GRAMD1B: variants seen among roughly 807,000 people sequenced by gnomAD.
GRAMD1B encodes the protein protein Aster-B.
In GRAMD1B, 37 loss-of-function variants were observed where a neutral mutation model predicts 99.7. That is an observed-to-expected ratio of 0.37 (90% CI 0.29 to 0.49). GRAMD1B has a LOEUF of 0.49. GRAMD1B is among the 20% of genes least tolerant of loss of function. The pLI, the probability that GRAMD1B is intolerant of heterozygous loss-of-function variation, is 0.98. For missense variants in GRAMD1B, 888 were observed against 1,009.2 expected (o/e 0.88, Z 1.63); for synonymous variants, 427 against 387.6 (o/e 1.10, Z -1.19).
intron 3 of GRAMD1B, chr11:123,578,431 G>A: frequency 1.3e-6 from 2 of 1,530,200 alleles, no homozygotes; most frequent in South Asian, 2.4e-5. Flanking sequence ...CCTCTCAAAA[G>A]TAAGCCATCT....
chr11:123,581,266 TTATA>T (rs1949325542), intron 3 of GRAMD1B, among the ~76,000 whole-genome samples: 1 of 152,186 alleles, frequency 6.6e-6, no homozygotes, highest in Non-Finnish European at 1.5e-5. Context: ...ATCCATGTGT[TTATA>T]AGCTGTCAGA....
At chr11:123,505,365 G>A (rs1368168168) in intron 2 of GRAMD1B, among the ~76,000 whole-genome samples, 1 of 152,064 alleles carries the variant, frequency 6.6e-6, no homozygotes, top group Non-Finnish European at 1.5e-5. Flanking sequence ...AAAACAGCAG[G>A]TGGGTTTGAC....
intron 5 of GRAMD1B, among the ~76,000 whole-genome samples, chr11:123,594,462 GT>G (rs1951025239): frequency 6.6e-6 from 1 of 152,210 alleles, no homozygotes. Flanking sequence ...GTTGAATTTT[GT>G]TGGTCTTTTC....
intron 1 of GRAMD1B, among the ~76,000 whole-genome samples, chr11:123,415,095 C>CTTTTTTTTTT (rs1175202539): frequency 2.0e-3 from 155 of 75,824 alleles, no homozygotes; most frequent in Non-Finnish European, 2.7e-3. Context: ...CTTTTTCTTT[C>CTTTTTTTTTT]TTTTTTTTTT....
chr11:123,540,967 C>A (rs1944453916), intron 2 of GRAMD1B, among the ~76,000 whole-genome samples: 1 of 150,618 alleles, frequency 6.6e-6, no homozygotes, highest in South Asian at 2.1e-4. Flanking sequence ...TTTTTCTTTT[C>A]TTTTCTTTTC....
intron 2 of GRAMD1B, among the ~76,000 whole-genome samples, chr11:123,488,497 A>T (rs1027923486): frequency 6.6e-6 from 1 of 152,204 alleles, no homozygotes; most frequent in African/African-American, 2.4e-5. Flanking sequence ...GGATTCCAAG[A>T]TGAAGACATG....
At chr11:123,464,429 T>C (rs1159704577) in intron 1 of GRAMD1B, among the ~76,000 whole-genome samples, 1 of 152,214 alleles carries the variant, frequency 6.6e-6, no homozygotes, top group Non-Finnish European at 1.5e-5. Flanking sequence ...ATTTCACCGA[T>C]AGCAGAAATC....
At position 123,624,955 on chromosome 11, in the gene GRAMD1B, T is replaced by C. The variant is rs756547141; in HGVS notation, c.*2360T>C. 1.3e-5 allele frequency: 2 copies of C among 152,010 alleles called. No individual in the cohort carries two copies. The highest frequency in any genetic ancestry group is 2.1e-4 in the South Asian group (1 of 4,812). 9.4% of individuals were successfully genotyped at this position (152,010 alleles called of 1,614,324 possible). On this transcript the variant is annotated 3_prime_UTR_variant, in exon 20 of 20. Transcript: ENST00000635736. ...GAGTATGTCAGAAGAGCCCTCCTGGTTTTTTAGCGATTTGAACCCACTAGA... is the reference window on the plus strand; with the variant it reads ...GAGTATGTCAGAAGAGCCCTCCTGGCTTTTTAGCGATTTGAACCCACTAGA...
rs1955380783 is a variant in GRAMD1B, at chr11:123,624,418, A to G, written c.*1823A>G. 1 of 152,182 alleles carries G rather than the reference A, an allele frequency of 6.6e-6. No homozygotes were observed. The allele number at this position is 152,182 out of a possible 1,614,324, so 9.4% of individuals were successfully genotyped here. On this transcript the variant is annotated 3_prime_UTR_variant, in exon 20 of 20. Transcript: ENST00000635736. ...AAACAGGAAGGTCCATGCCCAGGTG[A>G]TCCTCCAAGGGAGGAGGGTGAGGAG...
intron 1 of GRAMD1B, among the ~76,000 whole-genome samples, chr11:123,407,754 G>A (rs908682217): frequency 4.6e-5 from 7 of 152,178 alleles, no homozygotes; most frequent in African/African-American, 1.4e-4. Context: ...CAAATTAAAC[G>A]TGCAGGTGCA....
At chr11:123,523,543 T>TAA (rs35585443) in intron 2 of GRAMD1B, among the ~76,000 whole-genome samples, 71 of 149,556 alleles carry the variant, frequency 4.7e-4, no homozygotes, top group South Asian at 6.3e-4. Flanking sequence ...TTTTTGTAGT[T>TAA]AAAAAAAAAA....
intron 2 of GRAMD1B, among the ~76,000 whole-genome samples, chr11:123,568,862 G>A (rs1322008564): frequency 4.6e-5 from 7 of 152,172 alleles, no homozygotes; most frequent in East Asian, 1.9e-4. Context: ...AACTGGACCC[G>A]GTGGCAGTTA....
At chr11:123,417,478 G>A (rs1948270220) in intron 1 of GRAMD1B, among the ~76,000 whole-genome samples, 1 of 152,160 alleles carries the variant, frequency 6.6e-6, no homozygotes, top group South Asian at 2.1e-4. Flanking sequence ...TACTAACTTA[G>A]GACTGAGATG....
At chr11:123,404,675 C>T (rs1406894817) in intron 1 of GRAMD1B, among the ~76,000 whole-genome samples, 1 of 152,186 alleles carries the variant, frequency 6.6e-6, no homozygotes, top group African/African-American at 2.4e-5. Context: ...ACCTGGAACT[C>T]TAGTGTCAAA....
At chr11:123,361,064 C>A (rs1245445069) in intron 1 of GRAMD1B, among the ~76,000 whole-genome samples, 1 of 152,112 alleles carries the variant, frequency 6.6e-6, no homozygotes, top group African/African-American at 2.4e-5. Flanking sequence ...GATCCACCCA[C>A]CTCAGCCTCC....
intron 1 of GRAMD1B, among the ~76,000 whole-genome samples, chr11:123,397,863 C>T (rs2135897363): frequency 6.6e-6 from 1 of 152,192 alleles, no homozygotes; most frequent in South Asian, 2.1e-4. Context: ...GGCCTCTTAC[C>T]CTCAGCATAT....
rs147577727 is a variant in GRAMD1B, at chr11:123,420,414, G to A, written c.-175-60402G>A. On this transcript the variant is annotated intron_variant, in intron 1 of 20. Coordinates refer to the GRAMD1B transcript ENST00000638157. Reference sequence around the variant, plus strand: ...TACACCTACATTATTAATGGCAAATGAGAAACTGATTATGTGGCCTGAATA... The same window carrying A: ...TACACCTACATTATTAATGGCAAATAAGAAACTGATTATGTGGCCTGAATA... 2.2e-4 allele frequency among the ~76,000 whole-genome samples: 34 copies of A among 152,310 alleles called. No homozygotes were observed. The East Asian group carries it at 6.5e-3, about 29-fold the overall frequency.
rs148406728 is a variant in GRAMD1B at position 123,543,247 on chromosome 11, G to A, written c.453-34120G>A. 3.2e-3 allele frequency among the ~76,000 whole-genome samples: 491 copies of A among 152,268 alleles called. 7 individuals are homozygous for A. The highest frequency in any genetic ancestry group is 0.013 in the Admixed American group (200 of 15,298). On this transcript the variant is annotated intron_variant, in intron 2 of 19. Transcript: ENST00000635736. ...CTGCCAACCAAGGTAGAGGTGAAAT[G>A]CTTGCTTTCTAAGATTTACCTGGAG...
At chr11:123,480,653 A>G (rs1951544462) in intron 1 of GRAMD1B, 163 bp from the exon 2 acceptor site, 2 of 388,296 alleles carry the variant, frequency 5.2e-6, no homozygotes, top group Non-Finnish European at 9.1e-6. Flanking sequence ...GTCATTTCTC[A>G]TATGGTCTAA....
Sources: allele counts gnomAD v4.1 joint callset (sites outside exome capture counted in the v4.1 genomes callset), GRCh38; gene constraint gnomAD v4.1.1; transcripts MANE v1.5; gene names NCBI Gene and HGNC (gene_info 2026-07-23, HGNC 2026-07-21).